The following LIN28B variants were observed in gnomAD, a reference collection of about 807,000 sequenced individuals.
LIN28B encodes the protein protein lin-28 homolog B.
Under a neutral mutation model 21.9 loss-of-function variants are expected in LIN28B, and 5 were observed. That is an observed-to-expected ratio of 0.23 (90% CI 0.12 to 0.48). The LOEUF (loss-of-function observed/expected upper bound fraction) is 0.48. LIN28B is among the 20% of genes least tolerant of loss of function. The pLI is 0.98. For missense variants in LIN28B, 245 were observed against 310.5 expected (o/e 0.79, Z 1.58); for synonymous variants, 109 against 111.3 (o/e 0.98, Z 0.13).
chr6:104,966,863 C>T (rs553097018), intron 2 of LIN28B, among the ~76,000 whole-genome samples: 20 of 152,184 alleles, frequency 1.3e-4, no homozygotes, highest in East Asian at 3.9e-4. Flanking sequence ...CGTTGTGATC[C>T]GCCCACTTCG....
Position 105,026,301 on chromosome 6 carries a change from A to G in LIN28B, c.202A>G (p.Lys68Glu). 1 of 1,590,926 alleles carries G rather than the reference A, an allele frequency of 6.3e-7. No homozygotes were observed. The highest frequency in any genetic ancestry group is 8.5e-7 in the Non-Finnish European group (1 of 1,170,320). The part of the protein sequence containing the change: ...IPVDVFVHQS[K>E]LFMEGFRSLK... ...CACCCTCTTCTGCTCTTTACAGAGC[A>G]AACTATTCATGGAAGGATTTAGAAG... Residue 68 changes from lysine to glutamate, a missense_variant, in exon 3 of 4, where the codon AAA (lysine) becomes GAA (glutamate). Transcript: ENST00000345080.
chr6:104,974,831 A>T (rs959838960), intron 2 of LIN28B, among the ~76,000 whole-genome samples: 50 of 151,794 alleles, frequency 3.3e-4, no homozygotes, highest in East Asian at 2.5e-3. Context: ...TATTATTATT[A>T]TTTTTTGAGA....
intron 2 of LIN28B, among the ~76,000 whole-genome samples, chr6:104,942,550 A>G (rs530205258): frequency 5.3e-5 from 8 of 152,208 alleles, no homozygotes; most frequent in African/African-American, 1.9e-4. Flanking sequence ...GTGAATTTGC[A>G]TAGATTTTAT....
In LIN28B at chr6:105,026,310, A is replaced by G. The variant is rs1178778228; in HGVS notation, c.211A>G (p.Met71Val). 4 of 1,600,834 alleles carry G rather than the reference A, an allele frequency of 2.5e-6. No homozygotes were observed. Among genetic ancestry groups the G allele is most frequent in the African/African-American group, 2.7e-5 (2 of 74,108 alleles). Residue 71 changes from methionine to valine, a missense_variant, in exon 3 of 4, where the codon ATG (methionine) becomes GTG (valine). By Grantham distance (21) the Met-to-Val change is conservative. Transcript: ENST00000345080. ...DVFVHQSKLF[M>V]EGFRSLKEGE... ...CTGCTCTTTACAGAGCAAACTATTCATGGAAGGATTTAGAAGCCTAAAAGA... is the reference window on the plus strand; with the variant it reads ...CTGCTCTTTACAGAGCAAACTATTCGTGGAAGGATTTAGAAGCCTAAAAGA...
intron 2 of LIN28B, among the ~76,000 whole-genome samples, chr6:105,020,344 A>AT (rs111695532): frequency 0.14 from 19,714 of 145,138 alleles, 1,516 homozygotes; most frequent in African/African-American, 0.23. Context: ...TACAGCAAGG[A>AT]TTTTTTTTTT....
At chr6:104,986,193 C>T (rs1347330550) in intron 2 of LIN28B, among the ~76,000 whole-genome samples, 2 of 152,162 alleles carry the variant, frequency 1.3e-5, no homozygotes, top group African/African-American at 2.4e-5. Context: ...TTCTCCTTCA[C>T]CTTCTGCCAT....
intron 3 of LIN28B, among the ~76,000 whole-genome samples, chr6:105,063,815 T>C (rs1772172990): frequency 6.7e-6 from 1 of 149,312 alleles, no homozygotes; most frequent in Non-Finnish European, 1.5e-5. Context: ...CAGTCCAGCC[T>C]GGGCAACATA....
intron 2 of LIN28B, among the ~76,000 whole-genome samples, chr6:104,995,003 T>G (rs571924561): frequency 4.6e-5 from 7 of 152,342 alleles, no homozygotes; most frequent in Non-Finnish European, 8.8e-5. Flanking sequence ...ACCAACTTAC[T>G]GTCCAAAGGA....
Position 105,080,822 on chromosome 6 carries a change from A to G in LIN28B, c.*2039A>G, listed in dbSNP as rs1443362609. ...CAGGTTAACAGTAAAAATGCAAAAC[A>G]TGATAGATAAGTCACTTTGAAAATT... On this transcript the variant is annotated 3_prime_UTR_variant, in exon 4 of 4. Coordinates refer to ENST00000345080, the MANE Select transcript of LIN28B (RefSeq NM_001004317.4). 5 of 152,668 alleles carry G rather than the reference A, an allele frequency of 3.3e-5. No homozygotes were observed. Among genetic ancestry groups the G allele is most frequent in the Non-Finnish European group, 5.9e-5 (4 of 68,044 alleles). 9.5% of individuals were successfully genotyped at this position (152,668 alleles called of 1,614,324 possible). A position where few individuals can be genotyped will look rare whatever the true frequency, so the allele number is the denominator to read the frequency against.
intron 3 of LIN28B, among the ~76,000 whole-genome samples, chr6:105,030,408 G>A (rs1216393950): frequency 6.6e-6 from 1 of 151,130 alleles, no homozygotes; most frequent in East Asian, 1.9e-4. Context: ...GACAGTTTTA[G>A]TAATGAGAAT....
chr6:104,995,460 A>G (rs563275578), intron 2 of LIN28B, among the ~76,000 whole-genome samples: 10 of 152,272 alleles, frequency 6.6e-5, no homozygotes, highest in African/African-American at 2.4e-4. Context: ...TGTTTTAGAA[A>G]TGTAAGTATG....
At chr6:105,043,523 TAATAAG>T (rs1442985731) in intron 3 of LIN28B, among the ~76,000 whole-genome samples, 3 of 151,712 alleles carry the variant, frequency 2.0e-5, no homozygotes, top group South Asian at 4.2e-4. Context: ...TTTATAAACT[TAATAAG>T]ATTGATAATT....
chr6:104,950,682 A>G (rs1460266853), intron 3 of LIN28B, among the ~76,000 whole-genome samples: 1 of 152,010 alleles, frequency 6.6e-6, no homozygotes, highest in African/African-American at 2.4e-5. Context: ...CATCTAAAAA[A>G]CTGGTGTTCC....
At chr6:104,999,016 A>G in intron 2 of LIN28B, among the ~76,000 whole-genome samples, 1 of 152,198 alleles carries the variant, frequency 6.6e-6, no homozygotes, top group Non-Finnish European at 1.5e-5. Flanking sequence ...ACTTTTGAGA[A>G]TTAGAAAAAA....
rs369225301 is a variant in LIN28B, at chr6:104,951,505, T to C, written c.67+996T>C. Among the ~76,000 whole-genome samples, 23 of 152,246 alleles carry C rather than the reference T, an allele frequency of 1.5e-4. No individual in the cohort carries two copies. The East Asian group carries it at 3.3e-3, about 22-fold the overall frequency. ...TTTTAGTATACCACCTAGTTTCCTC[T>C]TATTATTGTTTTCATTTATTAATTT... On this transcript the variant is annotated intron_variant, in intron 3 of 5. Coordinates refer to the LIN28B transcript ENST00000635857.
chr6:105,050,303 T>A (rs184942135), intron 3 of LIN28B, among the ~76,000 whole-genome samples: 1 of 152,300 alleles, frequency 6.6e-6, no homozygotes, highest in East Asian at 1.9e-4. Context: ...TGAAAATTCT[T>A]TTCTTTAAGA....
chr6:105,046,412 A>G (rs935164534), intron 3 of LIN28B, among the ~76,000 whole-genome samples: 23 of 152,186 alleles, frequency 1.5e-4, no homozygotes, highest in African/African-American at 5.3e-4. Context: ...AATCCAGTCT[A>G]TCATTGATGG....
chr6:105,068,376 ATG>A (rs1334461496), intron 3 of LIN28B, among the ~76,000 whole-genome samples: 1 of 152,228 alleles, frequency 6.6e-6, no homozygotes, highest in Non-Finnish European at 1.5e-5. Context: ...CTAGCAGACA[ATG>A]TGTCTAGTTA....
At chr6:104,957,960 G>T in intron 1 of LIN28B, 139 bp from the exon 2 acceptor site, 1 of 494,582 alleles carries the variant, frequency 2.0e-6, no homozygotes, top group Non-Finnish European at 3.6e-6. Context: ...GTGGAGAAAA[G>T]AAATCAAACC....
Sources: gnomAD v4.1 joint callset for allele counts (sites outside exome capture counted in the v4.1 genomes callset) on GRCh38, gnomAD v4.1.1 for gene constraint, MANE v1.5 for transcripts, NCBI Gene and HGNC (gene_info 2026-07-23, HGNC 2026-07-21) for gene names.